AP1M1: variants seen among roughly 807,000 people sequenced by gnomAD.
AP1M1 encodes the protein adaptor related protein complex 1 subunit mu 1.
Under a neutral mutation model 57.1 loss-of-function variants are expected in AP1M1, and 18 were observed. That is an observed-to-expected ratio of 0.32 (90% confidence interval 0.22 to 0.47). AP1M1 has a LOEUF of 0.47. AP1M1 is among the 20% of genes least tolerant of loss of function. The probability of loss-of-function intolerance (pLI) is 1.00; values close to 1 mark genes in which losing one functional copy is unlikely to be tolerated. For missense variants in AP1M1, 362 were observed against 593.5 expected, an observed-to-expected ratio of 0.61 and a Z score of 4.05; for synonymous variants, 241 against 237.9, an observed-to-expected ratio of 1.01 and a Z score of -0.12.
intron 1 of AP1M1, among the ~76,000 whole-genome samples, chr19:16,199,610 A>T (rs1475028693): frequency 7.0e-6 from 1 of 143,284 alleles, no homozygotes; most frequent in Non-Finnish European, 1.5e-5. Context: ...CCCCACCCCC[A>T]GCACTTTCCT....
At chr19:16,219,350 T>C (rs2091532275) in intron 5 of AP1M1, among the ~76,000 whole-genome samples, 1 of 152,126 alleles carries the variant, frequency 6.6e-6, no homozygotes, top group African/African-American at 2.4e-5. Context: ...ATGAGATATC[T>C]TAGGGCTGGG....
chr19:16,198,130 G>A (rs1051286508), intron 1 of AP1M1, 62 bp downstream of exon 1: 2 of 1,579,850 alleles, frequency 1.3e-6, no homozygotes, highest in African/African-American at 2.8e-5. Flanking sequence ...CGCCCGCGGG[G>A]ACCCACCCTG....
At chr19:16,219,068 T>G (rs564684011) in intron 5 of AP1M1, among the ~76,000 whole-genome samples, 126 of 152,008 alleles carry the variant, frequency 8.3e-4, no homozygotes, top group African/African-American at 2.6e-3. Flanking sequence ...CTAACAGTTT[T>G]TTTTTTTTTT....
chr19:16,206,269 CCTCCATGAACCAGGAT>C lies in AP1M1; in HGVS notation c.200-69_200-54del. 1.3e-6 allele frequency: 2 copies of C among 1,505,772 alleles called. No individual in the cohort carries two copies. The highest frequency in any genetic ancestry group is 2.3e-5 in the East Asian group (1 of 44,308). 93.3% of individuals were successfully genotyped at this position (1,505,772 alleles called of 1,614,324 possible). A position where few individuals can be genotyped will look rare whatever the true frequency, so the allele number is the denominator to read the frequency against. On this transcript the variant is annotated intron_variant, in intron 2 of 11. Coordinates refer to ENST00000291439, the MANE Select transcript of AP1M1 (RefSeq NM_032493.4). This position sits in a 1 kb window ranked among gnomAD's most constrained non-coding sequence, Gnocchi z 4.3. The stretch of plus-strand genomic sequence containing the variant: ...TGAGGGTTGTGAGGGTTAGGGGGTC[CCTCCATGAACCAGGAT>C]CTTCCAGGCAGCAGCCCCAGCCTCT...
intron 5 of AP1M1, among the ~76,000 whole-genome samples, chr19:16,226,093 G>A (rs908463063): frequency 6.6e-6 from 1 of 151,960 alleles, no homozygotes; most frequent in African/African-American, 2.4e-5. Context: ...CCCTCAGAGG[G>A]GGCTCCAGGC....
At chr19:16,232,350 G>T (rs969974162) in intron 9 of AP1M1, among the ~76,000 whole-genome samples, 1 of 152,218 alleles carries the variant, frequency 6.6e-6, no homozygotes, top group African/African-American at 2.4e-5. Context: ...AAACCCACTC[G>T]GCTCAACGTG....
chr19:16,209,701 G>GTAGACAGAC (rs1568349364), intron 5 of AP1M1, among the ~76,000 whole-genome samples: 1 of 151,942 alleles, frequency 6.6e-6, no homozygotes, highest in Non-Finnish European at 1.5e-5. Context: ...GCCTCATTCT[G>GTAGACAGAC]TAGACAGACA....
intron 5 of AP1M1, among the ~76,000 whole-genome samples, chr19:16,223,276 G>A (rs374869867): frequency 3.3e-5 from 5 of 152,148 alleles, no homozygotes; most frequent in African/African-American, 1.2e-4. Flanking sequence ...GGACCCGAGT[G>A]GTTAGTTCAG....
chr19:16,215,205 GGGGGGGAGAGGGGGGA>G (rs1365182607), intron 5 of AP1M1, among the ~76,000 whole-genome samples: 3 of 46,778 alleles, frequency 6.4e-5, no homozygotes, highest in Non-Finnish European at 1.3e-4. Flanking sequence ...GGGGGCGGGG[GGGGGGGAGAGGGGGGA>G]GGGGGGAGGG....
chr19:16,205,903 T>C (rs1405786863), intron 2 of AP1M1, among the ~76,000 whole-genome samples: 3 of 152,186 alleles, frequency 2.0e-5, no homozygotes, highest in African/African-American at 4.8e-5. Context: ...GAAGCCAGAA[T>C]TGGCCCTGGC....
chr19:16,212,146 C>T (rs958664243), intron 5 of AP1M1, among the ~76,000 whole-genome samples: 23 of 152,194 alleles, frequency 1.5e-4, no homozygotes, highest in African/African-American at 4.3e-4. Flanking sequence ...CCTCCTCCTC[C>T]GTTTTTTTGG....
Position 16,207,972 on chromosome 19 carries a change from C to T in AP1M1, c.268-47C>T, listed in dbSNP as rs752536434. Reference sequence around the variant, plus strand: ...CGTTCATTCATTCCTCATCCGTCCGCTCAATGATCTGCCTCCCATTCCTCC... The same window carrying T: ...CGTTCATTCATTCCTCATCCGTCCGTTCAATGATCTGCCTCCCATTCCTCC... On this transcript the variant is annotated intron_variant, in intron 3 of 11. Transcript: ENST00000291439. This position sits in a 1 kb window ranked among gnomAD's most constrained non-coding sequence, Gnocchi z 4.2. 30 of 1,586,782 alleles carry T rather than the reference C, an allele frequency of 1.9e-5. No individual in the cohort carries two copies. Among genetic ancestry groups the T allele is most frequent in the Admixed American group, 5.3e-5 (3 of 56,856 alleles).
chr19:16,214,647 C>G (rs547406395), intron 5 of AP1M1, among the ~76,000 whole-genome samples: 19 of 152,154 alleles, frequency 1.2e-4, no homozygotes, highest in Non-Finnish European at 2.2e-4. Flanking sequence ...CCACCACACC[C>G]GGCCTTCTTT....
At chr19:16,230,521 G>A (rs148701132) in intron 9 of AP1M1, among the ~76,000 whole-genome samples, 1,827 of 151,790 alleles carry the variant, frequency 0.012, 44 homozygotes, top group African/African-American at 0.041. Context: ...CTGCCTCAGC[G>A]TCCTGAGCAG....
At position 16,206,051 on chromosome 19, in the gene AP1M1, C is replaced by T. The variant is rs1221594236; in HGVS notation, c.200-290C>T. ...CACTCCCTCCCTGCTCAAGGCAGCC[C>T]TTCACCCAGCCGCCGGGACAGGTGC... On this transcript the variant is annotated intron_variant, in intron 2 of 11. Transcript: ENST00000291439. The surrounding 1 kb of genome is among the most constrained non-coding windows in gnomAD (Gnocchi z 4.3). Among the ~76,000 whole-genome samples, 1 of 152,114 alleles carries T rather than the reference C, an allele frequency of 6.6e-6. No individual in the cohort carries two copies. The highest frequency in any genetic ancestry group is 2.4e-5 in the African/African-American group (1 of 41,416).
chr19:16,206,969 A>G lies in AP1M1; in HGVS notation c.267+561A>G, dbSNP rs1326418271. 6.6e-6 allele frequency among the ~76,000 whole-genome samples: 1 copy of G among 152,190 alleles called. No individual in the cohort carries two copies. The highest frequency in any genetic ancestry group is 1.5e-5 in the Non-Finnish European group (1 of 68,034). ...CTGAGGTCAGCTGGGAAGAGGGCGG[A>G]TTATACAGGAGTGTGGATTTCATTC... is the stretch of plus-strand genomic sequence containing the variant. On this transcript the variant is annotated intron_variant, in intron 3 of 11. Transcript: ENST00000291439. This position sits in a 1 kb window ranked among gnomAD's most constrained non-coding sequence, Gnocchi z 4.3.
intron 9 of AP1M1, among the ~76,000 whole-genome samples, chr19:16,233,031 G>A (rs2091605910): frequency 6.6e-6 from 1 of 152,162 alleles, no homozygotes; most frequent in Non-Finnish European, 1.5e-5. Flanking sequence ...TTCTCACCTG[G>A]ACACTCTCTT....
At position 16,227,698 on chromosome 19, in the gene AP1M1, C is replaced by T. The variant is rs531736411; in HGVS notation, c.816+8C>T. 1.5e-5 allele frequency: 24 copies of T among 1,612,266 alleles called. No individual in the cohort carries two copies. The highest frequency in any genetic ancestry group is 1.7e-4 in the Middle Eastern group (1 of 6,054). On this transcript the variant is annotated splice_region_variant and intron_variant, in intron 7 of 11. Coordinates refer to ENST00000291439, the MANE Select transcript of AP1M1 (RefSeq NM_032493.4). This position sits in a 1 kb window ranked among gnomAD's most constrained non-coding sequence, Gnocchi z 6.2. ...TACCGTCTCAACACCCACGTGAGTG[C>T]GCCACCCTGGGGCTGGGCTGTCGGC...
intron 5 of AP1M1, among the ~76,000 whole-genome samples, chr19:16,222,669 G>A (rs576267002): frequency 1.3e-5 from 2 of 152,098 alleles, no homozygotes; most frequent in Admixed American, 6.6e-5. Flanking sequence ...GTATAGTGGT[G>A]CAGTTATAGC....
Sources: allele counts gnomAD v4.1 joint callset (sites outside exome capture counted in the v4.1 genomes callset), GRCh38; gene constraint gnomAD v4.1.1; non-coding constraint Gnocchi (gnomAD v3.1); transcripts MANE v1.5; gene names NCBI Gene and HGNC (gene_info 2026-07-23, HGNC 2026-07-21).